Variants in PDZD2 observed in about 807,000 individuals in gnomAD.
PDZD2 encodes PDZ domain containing 2, also known as PDZ domain-containing protein 2.
PDZD2 carries 90 observed loss-of-function variants against 220.7 expected under a neutral mutation model. That is an observed-to-expected ratio of 0.41 (90% CI 0.34 to 0.49). PDZD2 has a LOEUF of 0.49. Ranked by LOEUF, PDZD2 falls within the 20% of genes least tolerant of loss-of-function variation. The pLI is 0.28. For synonymous variants in PDZD2, 1,375 were observed against 1,450.5 expected (o/e 0.95, Z 1.18); for missense variants, 3,174 against 3,608.5 (o/e 0.88, Z 3.08).
chr5:32,047,083 A>T (rs970958798), intron 7 of PDZD2, among the ~76,000 whole-genome samples: 13 of 152,196 alleles, frequency 8.5e-5, no homozygotes, highest in African/African-American at 3.1e-4. Context: ...AATAAATAAA[A>T]ATGCCTATAA....
Position 32,000,551 on chromosome 5 carries a change from C to G in PDZD2, c.1254+280C>G, listed in dbSNP as rs923486606. On this transcript the variant is annotated intron_variant, in intron 5 of 24. Transcript: ENST00000438447. This position sits in a 1 kb window ranked among gnomAD's most constrained non-coding sequence, Gnocchi z 4.5. ...TTGAGACGGAGTTTCACTCTTGTTG[C>G]CTAGTCTGGAGTGCAATGGCGCAAT... is the stretch of plus-strand genomic sequence containing the variant. 6.6e-6 allele frequency among the ~76,000 whole-genome samples: 1 copy of G among 151,966 alleles called. No homozygotes were observed.
intron 1 of PDZD2, among the ~76,000 whole-genome samples, chr5:31,728,190 C>T (rs1001895012): frequency 1.3e-5 from 2 of 151,900 alleles, no homozygotes; most frequent in African/African-American, 4.8e-5. Context: ...ATCTTCTGGC[C>T]TCTATGCACT....
At chr5:32,070,617 T>G (rs1346154395) in intron 15 of PDZD2, among the ~76,000 whole-genome samples, 1 of 152,260 alleles carries the variant, frequency 6.6e-6, no homozygotes, top group Non-Finnish European at 1.5e-5. Context: ...TTCATGAGTT[T>G]CTTGGGTGAT....
chr5:32,032,189 G>A (rs552106787), intron 6 of PDZD2, among the ~76,000 whole-genome samples: 31 of 152,286 alleles, frequency 2.0e-4, no homozygotes, highest in African/African-American at 7.5e-4. Context: ...GCTTAGTTCC[G>A]TGTCCAGTTC....
chr5:32,045,423 C>CT lies in PDZD2; in HGVS notation c.1520-3103dup, dbSNP rs201242107. Among the ~76,000 whole-genome samples, 330 of 143,382 alleles carry CT rather than the reference C, an allele frequency of 2.3e-3. 3 individuals carry two copies. In the East Asian group the frequency reaches 0.039, roughly 17 times the overall value. The allele number at this position is 143,382 out of a possible 152,430, so 94.1% of individuals were successfully genotyped here. A position where few individuals can be genotyped will look rare whatever the true frequency, so the allele number is the denominator to read the frequency against. ...TTAATATCTTAGATTTGTGATCTTTCTTTTTTTTTTTTTCCCAAGACGGAA... is the reference window on the plus strand; with the variant it reads ...TTAATATCTTAGATTTGTGATCTTTCTTTTTTTTTTTTTTCCCAAGACGGAA... On this transcript the variant is annotated intron_variant, in intron 7 of 24. Transcript: ENST00000438447.
Position 31,867,989 on chromosome 5 carries a change from G to A in PDZD2, c.476+68265G>A, listed in dbSNP as rs372977262. 2.6e-5 allele frequency among the ~76,000 whole-genome samples: 4 copies of A among 152,000 alleles called. No homozygotes were observed. In the East Asian group the frequency reaches 5.8e-4, roughly 22 times the overall value. On this transcript the variant is annotated intron_variant, in intron 2 of 24. Transcript: ENST00000438447. ...ATTTGTGCTGGGAGTTTTAACTGGG[G>A]GATCTCACACCTAGATAACTGAGGG...
chr5:31,776,942 C>T (rs180897597), intron 1 of PDZD2, among the ~76,000 whole-genome samples: 3 of 152,198 alleles, frequency 2.0e-5, no homozygotes, highest in South Asian at 4.1e-4. Context: ...GGGGTGACAA[C>T]GTGCTGGCGG....
At chr5:31,826,104 T>C (rs1377273953) in intron 2 of PDZD2, among the ~76,000 whole-genome samples, 1 of 152,082 alleles carries the variant, frequency 6.6e-6, no homozygotes, top group African/African-American at 2.4e-5. Flanking sequence ...TACGGGGGTA[T>C]AAATATCTGG....
At chr5:31,923,693 T>TA (rs1744493580) in intron 2 of PDZD2, among the ~76,000 whole-genome samples, 1 of 152,154 alleles carries the variant, frequency 6.6e-6, no homozygotes, top group Non-Finnish European at 1.5e-5. Context: ...TGTACTAACT[T>TA]ATGATAGAAT....
chr5:31,725,993 T>C (rs1161970187), intron 1 of PDZD2: 5 of 494,946 alleles, frequency 1.0e-5, no homozygotes, highest in African/African-American at 9.8e-5. Flanking sequence ...TACTCCTGGG[T>C]CTTCCCTGCA....
chr5:31,878,285 C>T (rs1739499836), intron 2 of PDZD2, among the ~76,000 whole-genome samples: 1 of 152,148 alleles, frequency 6.6e-6, no homozygotes, highest in Non-Finnish European at 1.5e-5. Context: ...TCCATGCCTT[C>T]CCCAGGGGCT....
intron 2 of PDZD2, among the ~76,000 whole-genome samples, chr5:31,870,963 T>A (rs990784151): frequency 1.3e-5 from 2 of 152,090 alleles, no homozygotes; most frequent in African/African-American, 4.8e-5. Context: ...AGATATGTTC[T>A]GGAAAACTCA....
chr5:31,928,397 C>A (rs546057941), intron 2 of PDZD2, among the ~76,000 whole-genome samples: 2 of 152,272 alleles, frequency 1.3e-5, no homozygotes, highest in South Asian at 2.1e-4. Flanking sequence ...CATAGAGCAT[C>A]TCCTTCTTTC....
intron 23 of PDZD2, chr5:32,100,768 G>C (rs1744177875): frequency 1.5e-6 from 1 of 647,678 alleles, no homozygotes; most frequent in African/African-American, 1.8e-5. Flanking sequence ...AGTCCTCACT[G>C]AGAAGTGCAC....
intron 2 of PDZD2, among the ~76,000 whole-genome samples, chr5:31,826,546 C>T (rs546784459): frequency 2.6e-5 from 4 of 151,908 alleles, no homozygotes; most frequent in South Asian, 2.1e-4. Flanking sequence ...TGTGGTGGCA[C>T]GCACCTGTAT....
At chr5:32,038,356 C>T (rs960829562) in intron 7 of PDZD2, among the ~76,000 whole-genome samples, 2 of 151,244 alleles carry the variant, frequency 1.3e-5, no homozygotes, top group South Asian at 2.1e-4. Context: ...GGTGAAACCC[C>T]GTCTCTACTA....
chr5:31,938,384 G>C (rs1165048054), intron 2 of PDZD2, among the ~76,000 whole-genome samples: 1 of 152,194 alleles, frequency 6.6e-6, no homozygotes, highest in African/African-American at 2.4e-5. Flanking sequence ...TCAGGAGTTA[G>C]GAAGTTGAAG....
intron 24 of PDZD2, among the ~76,000 whole-genome samples, chr5:32,101,552 C>T (rs1303929855): frequency 6.6e-6 from 1 of 152,212 alleles, no homozygotes; most frequent in Non-Finnish European, 1.5e-5. Context: ...TCCCTGACCC[C>T]TGTACTGCAG....
At chr5:31,966,362 A>C (rs948663407) in intron 2 of PDZD2, among the ~76,000 whole-genome samples, 1 of 152,264 alleles carries the variant, frequency 6.6e-6, no homozygotes, top group African/African-American at 2.4e-5. Context: ...TAAACATACC[A>C]TTAAAAGCAA....
Sources: allele counts gnomAD v4.1 joint callset (sites outside exome capture counted in the v4.1 genomes callset), GRCh38; gene constraint gnomAD v4.1.1; non-coding constraint Gnocchi (gnomAD v3.1); transcripts MANE v1.5; gene names NCBI Gene and HGNC (gene_info 2026-07-23, HGNC 2026-07-21).